MYO9A: variants seen among roughly 807,000 people sequenced by gnomAD.
MYO9A encodes myosin IXA.
MYO9A carries 103 observed loss-of-function variants against 293.3 expected under a neutral mutation model. That is an observed-to-expected ratio of 0.35 (90% CI 0.30 to 0.41). MYO9A has a LOEUF of 0.41. Among genes scored for constraint, MYO9A ranks in the 10% least tolerant of loss-of-function variants. MYO9A has a pLI of 1.00. For synonymous variants in MYO9A, 1,001 were observed against 1,035.7 expected (o/e 0.97, Z 0.64); for missense variants, 2,685 against 3,033.0 (o/e 0.89, Z 2.69).
At chr15:71,964,948 CTT>C (rs1261695996) in intron 13 of MYO9A, among the ~76,000 whole-genome samples, 3 of 150,880 alleles carry the variant, frequency 2.0e-5, no homozygotes, top group African/African-American at 4.9e-5. Flanking sequence ...AAACAAGACT[CTT>C]GTCTCAAAAA....
chr15:71,827,912 C>T lies in MYO9A; in HGVS notation c.7155G>A (p.Glu2385=), dbSNP rs895469292. The T allele has an allele frequency of 2.5e-6, 4 of 1,613,636 alleles. No individual in the cohort carries two copies. The African/African-American group carries it at 4.0e-5, about 16-fold the overall frequency. ...ATTTCTCAGAGATAGCATATTCAGA[C>T]TCCATATTCAAATTCTCTGAGCTAT... is the stretch of plus-strand genomic sequence containing the variant. ...TADSSENLNM[E]SEYAISEKSE... Residue 2385 remains glutamate (E), a synonymous_variant, in exon 41 of 42, where the codon GAG becomes GAA. Transcript: ENST00000356056.
At chr15:72,032,094 A>T (rs1254204231) in intron 3 of MYO9A, among the ~76,000 whole-genome samples, 2 of 151,974 alleles carry the variant, frequency 1.3e-5, no homozygotes, top group Non-Finnish European at 2.9e-5. Context: ...TTTTTAGTGG[A>T]GATGGGTTTT....
chr15:72,041,080 A>C, intron 2 of MYO9A: 1 of 465,922 alleles, frequency 2.1e-6, no homozygotes, highest in African/African-American at 2.0e-5. Flanking sequence ...CTCCATCTCT[A>C]CAAAAAATAC....
At chr15:72,035,177 G>C (rs143997878) in intron 2 of MYO9A, among the ~76,000 whole-genome samples, 14 of 152,278 alleles carry the variant, frequency 9.2e-5, no homozygotes, top group Admixed American at 9.2e-4. Flanking sequence ...AATGCAAAAT[G>C]GTAGAACAAC....
chr15:72,084,851 T>C (rs569240261), intron 1 of MYO9A, among the ~76,000 whole-genome samples: 3 of 152,312 alleles, frequency 2.0e-5, no homozygotes, highest in South Asian at 2.1e-4. Flanking sequence ...TGGGCTTCCC[T>C]TTGTAGTTCT....
intron 11 of MYO9A, 96 bp downstream of exon 11, chr15:71,991,007 C>T (rs549428179): frequency 8.6e-7 from 1 of 1,166,872 alleles, no homozygotes; most frequent in Non-Finnish European, 1.1e-6. Flanking sequence ...CTATGTAAAT[C>T]AATAAAATGT....
chr15:71,978,814 G>A (rs1455231233), intron 11 of MYO9A, among the ~76,000 whole-genome samples: 2 of 150,770 alleles, frequency 1.3e-5, no homozygotes, highest in Non-Finnish European at 2.9e-5. Context: ...TGAATTCTAA[G>A]GTTAAAAAAC....
intron 18 of MYO9A, among the ~76,000 whole-genome samples, chr15:71,925,242 T>A (rs894757124): frequency 2.0e-5 from 3 of 149,290 alleles, no homozygotes; most frequent in Admixed American, 1.3e-4. Flanking sequence ...CACATATATA[T>A]ACATATACGT....
rs1566979813 is a variant in MYO9A at position 72,045,984 on chromosome 15, T to C, written c.580A>G (p.Ile194Val). 6.2e-7 allele frequency: 1 copy of C among 1,614,152 alleles called. No individual in the cohort carries two copies. The change falls in exon 2 of 42, where the codon ATT becomes GTT. Residue 194 changes from isoleucine to valine, a missense_variant. Ile to Val is a conservative substitution (Grantham distance 29, BLOSUM62 3). This residue lies in a region of MYO9A where 289 missense variants were observed against 456.8 expected (regional missense o/e 0.63). Coordinates refer to ENST00000356056, the MANE Select transcript of MYO9A (RefSeq NM_006901.4). ...IVINPFKFLP[I>V]YNPKYVKMYD... is the part of the protein sequence containing the mutation. ...ATTTTGACATATTTGGGGTTATAAA[T>C]AGGAAGAAACTTGAATGGGTTAATA...
chr15:72,092,783 T>C (rs1484969218), intron 1 of MYO9A, among the ~76,000 whole-genome samples: 4 of 152,050 alleles, frequency 2.6e-5, no homozygotes, highest in African/African-American at 9.7e-5. Flanking sequence ...ATTATTTTTT[T>C]CCAACCATTT....
intron 41 of MYO9A, 77 bp from the exon 42 acceptor site, chr15:71,827,120 C>G: frequency 1.8e-6 from 2 of 1,122,332 alleles, no homozygotes; most frequent in East Asian, 2.4e-5. Context: ...ATAGATGCCA[C>G]TGTTCACACA....
rs2077557528 is a variant in MYO9A, at chr15:72,023,246, G to A, written c.999-2229C>T. Among the ~76,000 whole-genome samples, 5 of 152,214 alleles carry A rather than the reference G, an allele frequency of 3.3e-5. No homozygotes were observed. In the South Asian group the frequency reaches 1.0e-3, roughly 32 times the overall value. On this transcript the variant is annotated intron_variant, in intron 4 of 41. Coordinates refer to ENST00000356056, the MANE Select transcript of MYO9A (RefSeq NM_006901.4). ...AAAAAATCAACAAACATGAAGACAG[G>A]TCAATTGACTCTCGTCTAAGGAACA...
intron 39 of MYO9A, among the ~76,000 whole-genome samples, chr15:71,841,243 G>C (rs1420939443): frequency 6.6e-6 from 1 of 151,742 alleles, no homozygotes; most frequent in Non-Finnish European, 1.5e-5. Context: ...GCTTTATCTA[G>C]TACCTTCAAA....
At chr15:72,089,313 G>A (rs542454336) in intron 1 of MYO9A, among the ~76,000 whole-genome samples, 7 of 152,042 alleles carry the variant, frequency 4.6e-5, no homozygotes, top group African/African-American at 1.7e-4. Context: ...TAGGCACACA[G>A]CACCACACCT....
intron 13 of MYO9A, 115 bp downstream of exon 13, chr15:71,967,869 A>C: frequency 1.0e-6 from 1 of 973,648 alleles, no homozygotes; most frequent in Non-Finnish European, 1.4e-6. Flanking sequence ...TTTATACAAT[A>C]TCTCCAGTTA....
chr15:72,028,454 C>G (rs2077753356), intron 3 of MYO9A, among the ~76,000 whole-genome samples: 1 of 151,266 alleles, frequency 6.6e-6, no homozygotes, highest in African/African-American at 2.4e-5. Context: ...TCGAGACCAG[C>G]CTGACCAACA....
chr15:71,922,939 G>GA (rs2058192417), intron 18 of MYO9A, among the ~76,000 whole-genome samples: 2 of 152,170 alleles, frequency 1.3e-5, no homozygotes, highest in South Asian at 4.2e-4. Context: ...AGAAAGTGGT[G>GA]AAAGCGGGCA....
chr15:71,827,914 C>G lies in MYO9A; in HGVS notation c.7153G>C (p.Glu2385Gln). ...TTCTCAGAGATAGCATATTCAGACTCCATATTCAAATTCTCTGAGCTATCA... is the reference window on the plus strand; with the variant it reads ...TTCTCAGAGATAGCATATTCAGACTGCATATTCAAATTCTCTGAGCTATCA... Reference protein sequence around the residue: ...TADSSENLNMESEYAISEKSE... With the variant: ...TADSSENLNMQSEYAISEKSE... The change falls in exon 41 of 42, where the codon GAG becomes CAG. Residue 2385 changes from glutamate (E) to glutamine (Q), a missense_variant. Transcript: ENST00000356056. 2 of 1,613,728 alleles carry G rather than the reference C, an allele frequency of 1.2e-6. No individual in the cohort carries two copies. The highest frequency in any genetic ancestry group is 1.7e-6 in the Non-Finnish European group (2 of 1,179,764).
chr15:72,019,164 T>TG, intron 5 of MYO9A, 69 bp from the exon 6 acceptor site: 1 of 1,328,836 alleles, frequency 7.5e-7, no homozygotes, highest in Non-Finnish European at 1.1e-6. Context: ...CTCTTAGATG[T>TG]GGTGTGCAAG....
Sources: allele counts gnomAD v4.1 joint callset (sites outside exome capture counted in the v4.1 genomes callset), GRCh38; gene constraint gnomAD v4.1.1; regional missense constraint gnomAD v4.1.1; transcripts MANE v1.5; gene names NCBI Gene and HGNC (gene_info 2026-07-23, HGNC 2026-07-21).